Variants in SLC7A11 observed in about 807,000 individuals in gnomAD.
The protein encoded by SLC7A11 is cystine/glutamate transporter.
Under a neutral mutation model 54.5 loss-of-function variants are expected in SLC7A11, and 35 were observed. That is an observed-to-expected ratio of 0.64 (90% CI 0.49 to 0.85). The LOEUF (loss-of-function observed/expected upper bound fraction) is 0.85. Among genes scored for constraint, SLC7A11 ranks in the 40% least tolerant of loss-of-function variants. SLC7A11 has a pLI of 0.00. For missense variants in SLC7A11, 583 were observed against 618.1 expected (o/e 0.94, Z 0.60); for synonymous variants, 230 against 225.2 (o/e 1.02, Z -0.19).
At chr4:138,234,791 A>G (rs1738165797) in intron 2 of SLC7A11, among the ~76,000 whole-genome samples, 1 of 152,220 alleles carries the variant, frequency 6.6e-6, no homozygotes, top group Non-Finnish European at 1.5e-5. Flanking sequence ...CCAAAGTTAC[A>G]CAACTAATAC....
At chr4:138,204,094 T>C (rs2148429970) in intron 6 of SLC7A11, among the ~76,000 whole-genome samples, 1 of 152,098 alleles carries the variant, frequency 6.6e-6, no homozygotes, top group East Asian at 1.9e-4. Context: ...CCTCCAACTT[T>C]CTTTTCCATA....
At position 138,180,674 on chromosome 4, in the gene SLC7A11, T is replaced by C; in HGVS notation, c.1233A>G (p.Arg411=). 1 of 1,612,924 alleles carries C rather than the reference T, an allele frequency of 6.2e-7. No individual in the cohort carries two copies. ...GACGATGCATATCTGGGCATTTGTATCGAAGATAAATCAGCCCAGCAACTG... is the reference window on the plus strand; with the variant it reads ...GACGATGCATATCTGGGCATTTGTACCGAAGATAAATCAGCCCAGCAACTG... The part of the protein sequence containing the change: ...GLAVAGLIYL[R]YKCPDMHRPF... Residue 411 remains arginine, a synonymous_variant, in exon 10 of 12, where the codon CGA becomes CGG. Coordinates refer to ENST00000280612, the MANE Select transcript of SLC7A11 (RefSeq NM_014331.4).
intron 6 of SLC7A11, among the ~76,000 whole-genome samples, chr4:138,192,717 C>G (rs946974401): frequency 6.6e-6 from 1 of 151,944 alleles, no homozygotes; most frequent in African/African-American, 2.4e-5. Flanking sequence ...ATTACAATAT[C>G]AAATAAAAAC....
chr4:138,216,360 T>A lies in SLC7A11; in HGVS notation c.747-1731A>T, dbSNP rs373828098. Among the ~76,000 whole-genome samples, 11 of 151,942 alleles carry A rather than the reference T, an allele frequency of 7.2e-5. No individual in the cohort carries two copies. The East Asian group carries it at 1.9e-3, about 27-fold the overall frequency. On this transcript the variant is annotated intron_variant, in intron 5 of 11. Coordinates refer to ENST00000280612, the MANE Select transcript of SLC7A11 (RefSeq NM_014331.4). ...ATTTAAAAGGAAGAGAAAAAGACAC[T>A]AAAAACGATTTTCTATCACACAATT...
chr4:138,233,053 G>A (rs1040220645), intron 2 of SLC7A11, among the ~76,000 whole-genome samples: 1 of 151,812 alleles, frequency 6.6e-6, no homozygotes, highest in Non-Finnish European at 1.5e-5. Flanking sequence ...TAGAAATATA[G>A]GTAATACATC....
rs1736410065 is a variant in SLC7A11 at position 138,170,926 on chromosome 4, A to T, written c.*1030T>A. 6.6e-6 allele frequency: 1 copy of T among 152,246 alleles called. No homozygotes were observed. The highest frequency in any genetic ancestry group is 2.4e-5 in the African/African-American group (1 of 41,478). The allele number at this position is 152,246 out of a possible 1,614,324, so 9.4% of individuals were successfully genotyped here. On this transcript the variant is annotated 3_prime_UTR_variant, in exon 12 of 12. Coordinates refer to ENST00000280612, the MANE Select transcript of SLC7A11 (RefSeq NM_014331.4). ...TATAAAATGTATAAAGAAAATGCAC[A>T]AACTGTCAAAATTCATCATCGTGTA... is the stretch of plus-strand genomic sequence containing the variant.
intron 3 of SLC7A11, 125 bp downstream of exon 3, chr4:138,232,142 G>T: frequency 1.4e-6 from 1 of 712,424 alleles, no homozygotes; most frequent in South Asian, 1.6e-5. Context: ...TAGAAATTTG[G>T]AACTGTAAGC....
At chr4:138,236,555 G>T in intron 1 of SLC7A11, 104 bp from the exon 2 acceptor site, 3 of 1,109,542 alleles carry the variant, frequency 2.7e-6, no homozygotes, top group Non-Finnish European at 2.6e-6. Flanking sequence ...AGATGTAACT[G>T]CCTCCTTTGG....
At chr4:138,234,515 C>T (rs7670361) in intron 2 of SLC7A11, among the ~76,000 whole-genome samples, 45,324 of 151,602 alleles carry the variant, frequency 0.3, 7,368 homozygotes, top group East Asian at 0.47. Flanking sequence ...TTCTAGAATA[C>T]AAAGGTACTT....
intron 6 of SLC7A11, among the ~76,000 whole-genome samples, chr4:138,208,422 CA>C (rs574555597): frequency 6.8e-4 from 104 of 152,146 alleles, no homozygotes; most frequent in African/African-American, 2.2e-3. Context: ...TTCATCAACA[CA>C]AGATATGATT....
chr4:138,180,529 AT>A (rs1009298428), intron 10 of SLC7A11, 111 bp downstream of exon 10: 1 of 1,049,836 alleles, frequency 9.5e-7, no homozygotes, highest in Admixed American at 2.7e-5. Context: ...AAACATTTTT[AT>A]TCCACAGATG....
chr4:138,176,108 G>C (rs1342780326), intron 11 of SLC7A11: 1 of 152,106 alleles, frequency 6.6e-6, no homozygotes, highest in African/African-American at 2.4e-5. Context: ...CTGTGTGTGA[G>C]TGTTTTGTTT....
rs1183222848 is a variant in SLC7A11 at position 138,170,246 on chromosome 4, GTGTGTA to G, written c.*1704_*1709del. 13 of 82,864 alleles carry G rather than the reference GTGTGTA, an allele frequency of 1.6e-4. No homozygotes were observed. Among genetic ancestry groups the G allele is most frequent in the African/African-American group, 5.6e-4 (13 of 23,314 alleles). 5.1% of individuals were successfully genotyped at this position (82,864 alleles called of 1,614,324 possible). ...ATATATATAAAAAGTGTGTGTGTGT[GTGTGTA>G]TATATATATATATATATATACACAC... On this transcript the variant is annotated 3_prime_UTR_variant, in exon 12 of 12. Coordinates refer to ENST00000280612, the MANE Select transcript of SLC7A11 (RefSeq NM_014331.4).
intron 10 of SLC7A11, among the ~76,000 whole-genome samples, chr4:138,179,896 G>A (rs562683461): frequency 1.3e-5 from 2 of 152,180 alleles, no homozygotes; most frequent in South Asian, 2.1e-4. Context: ...CTATTCAACC[G>A]CTAATAAAGA....
intron 6 of SLC7A11, among the ~76,000 whole-genome samples, chr4:138,195,663 C>T (rs1235401541): frequency 6.6e-6 from 1 of 152,160 alleles, no homozygotes; most frequent in Non-Finnish European, 1.5e-5. Context: ...CTCTCCATTA[C>T]CTACTGTTTT....
chr4:138,207,146 C>A (rs1023913021), intron 6 of SLC7A11, among the ~76,000 whole-genome samples: 3 of 151,862 alleles, frequency 2.0e-5, no homozygotes, highest in Non-Finnish European at 4.4e-5. Context: ...CAGGGAATAT[C>A]TTTATAAACT....
chr4:138,182,954 A>G (rs1736782915), intron 8 of SLC7A11, among the ~76,000 whole-genome samples: 1 of 152,094 alleles, frequency 6.6e-6, no homozygotes, highest in African/African-American at 2.4e-5. Context: ...CCATTGTTAG[A>G]CTGTGGAAAT....
chr4:138,189,013 T>C (rs1451714604), intron 6 of SLC7A11, among the ~76,000 whole-genome samples: 15 of 152,188 alleles, frequency 9.9e-5, no homozygotes, highest in Admixed American at 9.8e-4. Flanking sequence ...TTGTAAATGG[T>C]CTTCAGTCGA....
rs113605880 is a variant in SLC7A11 at position 138,234,600 on chromosome 4, G to A, written c.404+1725C>T. Among the ~76,000 whole-genome samples the A allele has an allele frequency of 5.5e-4, 83 of 151,810 alleles. 2 individuals carry two copies. Among genetic ancestry groups the A allele is most frequent in the African/African-American group, 1.9e-3 (78 of 41,360 alleles). On this transcript the variant is annotated intron_variant, in intron 2 of 11. Transcript: ENST00000280612. ...AAATTAAAGTAACATTTGATTATCC[G>A]CTACCTGGGAGCAGAAATTGTGGCT...
Sources: gnomAD v4.1 joint callset for allele counts (sites outside exome capture counted in the v4.1 genomes callset) on GRCh38, gnomAD v4.1.1 for gene constraint, MANE v1.5 for transcripts, NCBI Gene and HGNC (gene_info 2026-07-23, HGNC 2026-07-21) for gene names.